The following AP4S1 variants were observed in gnomAD, a reference collection of about 807,000 sequenced individuals.
AP4S1 encodes the protein adaptor related protein complex 4 subunit sigma 1, also known as AP-4 complex subunit sigma-1.
Under a neutral mutation model 19.8 loss-of-function variants are expected in AP4S1, and 23 were observed. The observed-to-expected ratio is 1.16, with a 90% confidence interval of 0.84 to 1.65. AP4S1 has a LOEUF of 1.65. Among genes scored for constraint, AP4S1 ranks in the 40% most tolerant of loss-of-function variants. The pLI is 0.00. For missense variants in AP4S1, 166 were observed against 172.8 expected, an observed-to-expected ratio of 0.96 and a Z score of 0.22; for synonymous variants, 46 against 54.1, an observed-to-expected ratio of 0.85 and a Z score of 0.66.
chr14:31,060,515 T>G (rs920661638), intron 1 of AP4S1, among the ~76,000 whole-genome samples: 2 of 152,196 alleles, frequency 1.3e-5, no homozygotes, highest in Non-Finnish European at 2.9e-5. Context: ...CCCAAGCAAC[T>G]TAAGCGTCAC....
chr14:31,058,480 G>C lies in AP4S1; in HGVS notation c.-71-7646G>C, dbSNP rs1261131447. ...CAAGCTTTTGCCTGTAGCATCTACT[G>C]ACTTCCTTCCTGGTCATCAAAACAT... On this transcript the variant is annotated intron_variant, in intron 1 of 5. Coordinates refer to ENST00000542754, the MANE Select transcript of AP4S1 (RefSeq NM_001128126.3). Among the ~76,000 whole-genome samples the C allele has an allele frequency of 3.3e-5, 5 of 151,178 alleles. No homozygotes were observed. The Admixed American group carries it at 3.3e-4, about 10-fold the overall frequency.
At chr14:31,085,155 A>G (rs1433302385) in intron 5 of AP4S1, 13 of 1,220,190 alleles carry the variant, frequency 1.1e-5, no homozygotes, top group Non-Finnish European at 1.1e-5. Flanking sequence ...CCCTTTCCCC[A>G]TCATGGGGCA....
chr14:31,046,475 G>A (rs1885410322), intron 1 of AP4S1, among the ~76,000 whole-genome samples: 1 of 152,102 alleles, frequency 6.6e-6, no homozygotes, highest in African/African-American at 2.4e-5. Context: ...GTTTTCTACT[G>A]TATGGATATA....
At chr14:31,084,212 GA>G (rs1887806355) in intron 5 of AP4S1, among the ~76,000 whole-genome samples, 1 of 152,234 alleles carries the variant, frequency 6.6e-6, no homozygotes, top group Non-Finnish European at 1.5e-5. Context: ...GGACAGACGT[GA>G]GTTAAAGCTT....
chr14:31,047,971 C>G (rs144457103), intron 1 of AP4S1, among the ~76,000 whole-genome samples: 2 of 152,144 alleles, frequency 1.3e-5, no homozygotes, highest in Non-Finnish European at 2.9e-5. Context: ...GCTACCACGC[C>G]CAGCCTTAAA....
At chr14:31,030,129 G>T (rs908679320) in intron 1 of AP4S1, among the ~76,000 whole-genome samples, 3 of 152,024 alleles carry the variant, frequency 2.0e-5, no homozygotes, top group Admixed American at 2.0e-4. Context: ...GGGACCACAG[G>T]CATGTGCCAC....
chr14:31,091,294 A>T (rs935905202), intron 5 of AP4S1, among the ~76,000 whole-genome samples: 1 of 152,172 alleles, frequency 6.6e-6, no homozygotes, highest in African/African-American at 2.4e-5. Context: ...TAGTGAATAT[A>T]ACAGGAAGGT....
chr14:31,043,611 C>G (rs1885234609), intron 1 of AP4S1, among the ~76,000 whole-genome samples: 1 of 152,094 alleles, frequency 6.6e-6, no homozygotes, highest in Admixed American at 6.6e-5. Flanking sequence ...CACAATAACT[C>G]GGCAACAGAG....
At chr14:31,045,831 A>G (rs1885364344) in intron 1 of AP4S1, among the ~76,000 whole-genome samples, 1 of 152,106 alleles carries the variant, frequency 6.6e-6, no homozygotes, top group Non-Finnish European at 1.5e-5. Context: ...ATACTAATAA[A>G]GTGACCTAGA....
intron 1 of AP4S1, among the ~76,000 whole-genome samples, chr14:31,039,464 C>G (rs557937154): frequency 6.6e-6 from 1 of 152,054 alleles, no homozygotes; most frequent in African/African-American, 2.4e-5. Context: ...AGATCACAGG[C>G]GTGAGCCACT....
rs541527758 is a variant in AP4S1 at position 31,082,874 on chromosome 14, C to T, written c.306+2290C>T. 4.1e-5 allele frequency among the ~76,000 whole-genome samples: 6 copies of T among 146,888 alleles called. 1 individual carries two copies. The South Asian group carries it at 6.4e-4, about 16-fold the overall frequency. ...TTGCGCCACTGCACTCCAGCCTGGG[C>T]GACAGAGCGAGACTCCGTCTCAAAA... On this transcript the variant is annotated intron_variant, in intron 5 of 5. Coordinates refer to ENST00000542754, the MANE Select transcript of AP4S1 (RefSeq NM_001128126.3).
At chr14:31,065,047 G>A (rs752290595) in intron 1 of AP4S1, among the ~76,000 whole-genome samples, 38 of 152,088 alleles carry the variant, frequency 2.5e-4, no homozygotes, top group Non-Finnish European at 5.0e-4. Flanking sequence ...AGGGCCTGGA[G>A]GAATTTGATA....
At chr14:31,060,880 CT>C (rs1401562868) in intron 1 of AP4S1, among the ~76,000 whole-genome samples, 3 of 151,792 alleles carry the variant, frequency 2.0e-5, no homozygotes, top group Non-Finnish European at 4.4e-5. Context: ...AAAGGAGAGT[CT>C]TGACTCCACT....
intron 1 of AP4S1, among the ~76,000 whole-genome samples, chr14:31,052,570 C>CA (rs763412525): frequency 1.7e-4 from 26 of 150,896 alleles, no homozygotes; most frequent in Non-Finnish European, 3.0e-4. Flanking sequence ...ACTAAAAATA[C>CA]AAAAAAAATT....
intron 1 of AP4S1, 24 bp from the exon 2 acceptor site, chr14:31,066,102 G>T: frequency 8.3e-7 from 1 of 1,212,070 alleles, no homozygotes; most frequent in Non-Finnish European, 1.2e-6. Context: ...TGCCTTTCTG[G>T]TTTTGTTTGT....
chr14:31,072,793 C>T (rs772977281), intron 3 of AP4S1, 112 bp from the exon 4 acceptor site: 38 of 813,576 alleles, frequency 4.7e-5, no homozygotes, highest in East Asian at 2.8e-4. Flanking sequence ...CTCACATTAT[C>T]GGTTCACTAA....
chr14:31,035,936 T>A (rs986945819), intron 1 of AP4S1, among the ~76,000 whole-genome samples: 2 of 152,018 alleles, frequency 1.3e-5, no homozygotes, highest in African/African-American at 4.8e-5. Flanking sequence ...TTCACCATGT[T>A]AGCCAGGATG....
intron 5 of AP4S1, among the ~76,000 whole-genome samples, chr14:31,089,131 G>C (rs1051935743): frequency 6.7e-6 from 1 of 148,678 alleles, no homozygotes; most frequent in African/African-American, 2.5e-5. Flanking sequence ...CTGCACTCCA[G>C]CCTGGGCAAC....
intron 1 of AP4S1, among the ~76,000 whole-genome samples, chr14:31,060,504 A>G (rs1303170751): frequency 1.3e-5 from 2 of 152,084 alleles, no homozygotes; most frequent in African/African-American, 4.8e-5. Context: ...GGTTCAAAAA[A>G]CCCAAGCAAC....
Sources: allele counts gnomAD v4.1 joint callset (sites outside exome capture counted in the v4.1 genomes callset), GRCh38; gene constraint gnomAD v4.1.1; transcripts MANE v1.5; gene names NCBI Gene and HGNC (gene_info 2026-07-23, HGNC 2026-07-21).